Variants in MORC1 observed in about 807,000 individuals in gnomAD.
MORC1 encodes MORC family CW-type zinc finger protein 1.
A neutral mutation model predicts 134.9 loss-of-function variants in MORC1; 59 were observed. The observed-to-expected ratio is 0.44, with a 90% CI of 0.35 to 0.54. The LOEUF is 0.54. MORC1 is among the 20% of genes least tolerant of loss of function. The pLI is 0.00. For missense variants in MORC1, 947 were observed against 1,134.5 expected, an observed-to-expected ratio of 0.83 and a Z score of 2.37; for synonymous variants, 395 against 391.7, an observed-to-expected ratio of 1.01 and a Z score of -0.10.
chr3:109,064,409 C>G (rs981809022), intron 9 of MORC1, among the ~76,000 whole-genome samples: 2 of 152,102 alleles, frequency 1.3e-5, no homozygotes, highest in Admixed American at 1.3e-4. Flanking sequence ...AAGTACCTTT[C>G]AAGGCTTTGT....
chr3:109,104,410 G>A (rs1172967144), intron 3 of MORC1, among the ~76,000 whole-genome samples: 1 of 151,872 alleles, frequency 6.6e-6, no homozygotes, highest in Non-Finnish European at 1.5e-5. Flanking sequence ...CATCTTCATG[G>A]GAGCAAATAC....
At chr3:109,090,399 C>A (rs61334907) in intron 8 of MORC1, among the ~76,000 whole-genome samples, 72,306 of 151,764 alleles carry the variant, frequency 0.48, 20,356 homozygotes, top group East Asian at 0.9. Flanking sequence ...GGGTGGATCA[C>A]CTGAGGTTAG....
At chr3:109,049,809 A>G (rs992698009) in intron 14 of MORC1, among the ~76,000 whole-genome samples, 3 of 152,326 alleles carry the variant, frequency 2.0e-5, no homozygotes, top group East Asian at 1.9e-4. Context: ...CAAAAGAAAG[A>G]TGAGGATCCC....
At chr3:109,020,007 G>A (rs1464001808) in intron 17 of MORC1, among the ~76,000 whole-genome samples, 1 of 152,170 alleles carries the variant, frequency 6.6e-6, no homozygotes, top group Non-Finnish European at 1.5e-5. Flanking sequence ...AATGGTGGGT[G>A]AACCATGAAG....
chr3:109,062,083 T>C (rs1228814514), intron 10 of MORC1, 25 bp from the exon 11 acceptor site: 2 of 1,607,034 alleles, frequency 1.2e-6, no homozygotes, highest in Non-Finnish European at 1.7e-6. Flanking sequence ...CAAATAGTTA[T>C]AACACAGCAA....
chr3:109,057,519 T>C (rs1404112560), intron 12 of MORC1, 33 bp from the exon 13 acceptor site: 2 of 1,540,092 alleles, frequency 1.3e-6, no homozygotes, highest in Non-Finnish European at 1.8e-6. Context: ...TAAAAAGTTG[T>C]TTATTAAATA....
intron 17 of MORC1, among the ~76,000 whole-genome samples, chr3:109,021,103 C>T (rs915624916): frequency 5.3e-5 from 8 of 152,120 alleles, no homozygotes; most frequent in Admixed American, 3.9e-4. Flanking sequence ...AGGGGAGCAG[C>T]GAGCAGCCTG....
chr3:108,963,214 G>A (rs923675232), intron 27 of MORC1, among the ~76,000 whole-genome samples, 200 bp downstream of exon 27: 1 of 150,444 alleles, frequency 6.6e-6, no homozygotes, highest in Non-Finnish European at 1.5e-5. Flanking sequence ...AGATACGAAA[G>A]AACACAGAGT....
At chr3:109,088,626 T>C (rs1950659380) in intron 8 of MORC1, among the ~76,000 whole-genome samples, 2 of 152,078 alleles carry the variant, frequency 1.3e-5, no homozygotes, top group Admixed American at 6.6e-5. Context: ...AGTGTACTAG[T>C]TCAACCATTG....
At chr3:108,984,419 ATG>A in intron 23 of MORC1, among the ~76,000 whole-genome samples, 1 of 152,142 alleles carries the variant, frequency 6.6e-6, no homozygotes, top group Non-Finnish European at 1.5e-5. Flanking sequence ...TACCTTATAT[ATG>A]TGTGACATTT....
chr3:109,018,183 T>G (rs1948861807), intron 17 of MORC1, among the ~76,000 whole-genome samples: 1 of 152,122 alleles, frequency 6.6e-6, no homozygotes, highest in African/African-American at 2.4e-5. Context: ...AGAATGCTCC[T>G]TTCTAATTTT....
intron 15 of MORC1, among the ~76,000 whole-genome samples, chr3:109,034,117 A>G (rs1008615980): frequency 2.0e-5 from 3 of 152,160 alleles, no homozygotes; most frequent in African/African-American, 7.2e-5. Flanking sequence ...ATAATTCGTC[A>G]CCTGGATCCT....
intron 14 of MORC1, among the ~76,000 whole-genome samples, chr3:109,050,205 A>G (rs1366424853): frequency 1.3e-5 from 2 of 152,194 alleles, no homozygotes; most frequent in African/African-American, 4.8e-5. Flanking sequence ...GTTGGGCACT[A>G]ATCCTATTTC....
At chr3:108,997,716 G>C (rs999036544) in intron 21 of MORC1, among the ~76,000 whole-genome samples, 1 of 152,028 alleles carries the variant, frequency 6.6e-6, no homozygotes, top group African/African-American at 2.4e-5. Context: ...AAAATAATCA[G>C]CAATGGTAGG....
chr3:108,960,299 T>G (rs2107341004), intron 27 of MORC1, among the ~76,000 whole-genome samples: 1 of 152,322 alleles, frequency 6.6e-6, no homozygotes, highest in South Asian at 2.1e-4. Context: ...AACTTTCCAC[T>G]CAATGGGTGC....
intron 26 of MORC1, among the ~76,000 whole-genome samples, chr3:108,968,517 A>G (rs1947279890): frequency 6.6e-6 from 1 of 152,176 alleles, no homozygotes; most frequent in Middle Eastern, 3.2e-3. Context: ...TTCACTTATA[A>G]AACAAGAATA....
At chr3:109,095,836 A>G (rs78252612) in intron 6 of MORC1, among the ~76,000 whole-genome samples, 1 of 148,240 alleles carries the variant, frequency 6.7e-6, no homozygotes, top group Non-Finnish European at 1.5e-5. Flanking sequence ...ATTCCCCAAT[A>G]AAAAAAAAAG....
At chr3:108,963,353 T>TAG in intron 27 of MORC1, 61 bp downstream of exon 27, 27 of 1,375,800 alleles carry the variant, frequency 2.0e-5, no homozygotes, top group Non-Finnish European at 2.5e-5. Context: ...TAGGAGAAGT[T>TAG]AGCTGAGTTC....
chr3:109,093,506 G>A lies in MORC1; in HGVS notation c.619C>T (p.Leu207Phe), dbSNP rs765577354. The change falls in exon 8 of 28, where the codon CTT becomes TTT. Residue 207 changes from leucine (L) to phenylalanine (F), a missense_variant. Around this residue, in one of 3 missense-constraint regions of MORC1, gnomAD observed 214 missense variants for 281.3 expected, o/e 0.76. Transcript: ENST00000232603. Reference sequence around the variant, plus strand: ...ACATCCAACTCTGGTTCTCCATTAAGCAGAAGCTTCAAGTTATAAATAACC... The same window carrying A: ...ACATCCAACTCTGGTTCTCCATTAAACAGAAGCTTCAAGTTATAAATAACC... Reference protein sequence around the residue: ...LLVIYNLKLLLNGEPELDVKT... With the variant: ...LLVIYNLKLLFNGEPELDVKT... 7 of 1,613,700 alleles carry A rather than the reference G, an allele frequency of 4.3e-6. No individual in the cohort carries two copies. Among genetic ancestry groups the A allele is most frequent in the Non-Finnish European group, 5.1e-6 (6 of 1,179,724 alleles).
Sources: gnomAD v4.1 joint callset for allele counts (sites outside exome capture counted in the v4.1 genomes callset) on GRCh38, gnomAD v4.1.1 for gene constraint, gnomAD v4.1.1 regional missense constraint, MANE v1.5 for transcripts, NCBI Gene and HGNC (gene_info 2026-07-23, HGNC 2026-07-21) for gene names.